The following PEAK1 variants were observed in gnomAD, a reference collection of about 807,000 sequenced individuals.
PEAK1 encodes inactive tyrosine-protein kinase PEAK1.
A neutral mutation model predicts 124.7 loss-of-function variants in PEAK1; 54 were observed. That is an observed-to-expected ratio of 0.43 (90% CI 0.35 to 0.54). The LOEUF (loss-of-function observed/expected upper bound fraction) is 0.54. Among genes scored for constraint, PEAK1 ranks in the 20% least tolerant of loss-of-function variants. The pLI is 0.01. For synonymous variants in PEAK1, 719 were observed against 760.0 expected (o/e 0.95, Z 0.89); for missense variants, 2,046 against 2,134.5 (o/e 0.96, Z 0.82).
At chr15:77,173,682 T>C (rs11853633) in intron 7 of PEAK1, among the ~76,000 whole-genome samples, 34,096 of 152,158 alleles carry the variant, frequency 0.22, 4,262 homozygotes, top group Middle Eastern at 0.31. Flanking sequence ...TTGAATGTTT[T>C]ACACCCACTG....
At chr15:77,253,308 T>C (rs562098922) in intron 5 of PEAK1, among the ~76,000 whole-genome samples, 80 of 151,710 alleles carry the variant, frequency 5.3e-4, no homozygotes, top group African/African-American at 1.8e-3. Context: ...GTAATTCCAT[T>C]TATTATAATA....
intron 2 of PEAK1, among the ~76,000 whole-genome samples, chr15:77,324,651 A>C (rs558578258): frequency 2.0e-4 from 30 of 152,310 alleles, no homozygotes; most frequent in African/African-American, 7.2e-4. Context: ...GGCTTCAGGA[A>C]GCTTACAATC....
chr15:77,351,570 G>T, intron 2 of PEAK1: 1 of 342,954 alleles, frequency 2.9e-6, no homozygotes, highest in Non-Finnish European at 4.1e-6. Context: ...GAAAAACTCC[G>T]TTAACAGGGC....
intron 2 of PEAK1, among the ~76,000 whole-genome samples, chr15:77,353,597 G>A (rs1161293737): frequency 6.6e-6 from 1 of 152,144 alleles, no homozygotes; most frequent in Non-Finnish European, 1.5e-5. Context: ...AACAGAAAAT[G>A]TTGGTAATGA....
intron 2 of PEAK1, among the ~76,000 whole-genome samples, chr15:77,361,566 C>CA (rs1457506880): frequency 1.4e-4 from 22 of 152,182 alleles, no homozygotes; most frequent in African/African-American, 4.8e-4. Flanking sequence ...TATCAAAAGA[C>CA]AAAAAATAAC....
intron 2 of PEAK1, among the ~76,000 whole-genome samples, chr15:77,298,411 G>A (rs1262970142): frequency 6.6e-6 from 1 of 150,852 alleles, no homozygotes; most frequent in Non-Finnish European, 1.5e-5. Flanking sequence ...GTAGAGACGG[G>A]GTTTCACTGT....
intron 1 of PEAK1, chr15:77,404,406 G>A (rs899633409): frequency 5.2e-5 from 44 of 853,916 alleles, no homozygotes; most frequent in Non-Finnish European, 5.3e-5. Flanking sequence ...TGCTTTAAGT[G>A]GAAAATATAC....
At chr15:77,268,668 C>T (rs181650727) in intron 5 of PEAK1, among the ~76,000 whole-genome samples, 2 of 151,384 alleles carry the variant, frequency 1.3e-5, no homozygotes, top group East Asian at 1.9e-4. Flanking sequence ...CAAAGAACTC[C>T]TGGGAAATTC....
intron 6 of PEAK1, among the ~76,000 whole-genome samples, chr15:77,236,820 T>G (rs958147512): frequency 2.6e-5 from 4 of 152,154 alleles, no homozygotes; most frequent in Admixed American, 1.3e-4. Context: ...GTTTCCCCCA[T>G]GCTGTTCTAG....
At chr15:77,210,721 A>G (rs981291693) in intron 6 of PEAK1, among the ~76,000 whole-genome samples, 1 of 152,100 alleles carries the variant, frequency 6.6e-6, no homozygotes, top group South Asian at 2.1e-4. Context: ...CTCTAGTAAA[A>G]ATACAAAAAT....
At chr15:77,182,306 T>C (rs2057315795) in intron 6 of PEAK1, among the ~76,000 whole-genome samples, 2 of 152,136 alleles carry the variant, frequency 1.3e-5, no homozygotes, top group Admixed American at 6.5e-5. Context: ...TTCTGTGACC[T>C]TCCCTCCCAG....
intron 6 of PEAK1, among the ~76,000 whole-genome samples, chr15:77,243,739 G>A (rs1191022407): frequency 6.6e-6 from 1 of 152,190 alleles, no homozygotes; most frequent in Admixed American, 6.5e-5. Context: ...GGAGGCTGAG[G>A]TGGGCAGATC....
exon 7 of PEAK1, chr15:77,102,842 G>A (rs1031592920): frequency 2.0e-5 from 3 of 151,154 alleles, no homozygotes; most frequent in Admixed American, 6.6e-5. Flanking sequence ...TCATGTATTC[G>A]TTCCTCCAAC....
In PEAK1 at chr15:77,112,375, T is replaced by A. The variant is rs753944663; in HGVS notation, c.*1781A>T. 7 of 152,246 alleles carry A rather than the reference T, an allele frequency of 4.6e-5. No homozygotes were observed. The highest frequency in any genetic ancestry group is 7.3e-5 in the Non-Finnish European group (5 of 68,052). 9.4% of individuals were successfully genotyped at this position (152,246 alleles called of 1,614,324 possible). A position where few individuals can be genotyped will look rare whatever the true frequency, so the allele number is the denominator to read the frequency against. ...TTTCCAAGGCCACTAATGTGCTATGTAAGTAATACTGCACAGTCAGTCTTG... is the reference window on the plus strand; with the variant it reads ...TTTCCAAGGCCACTAATGTGCTATGAAAGTAATACTGCACAGTCAGTCTTG... On this transcript the variant is annotated 3_prime_UTR_variant, in exon 10 of 10. Transcript: ENST00000682557.
chr15:77,314,858 T>C (rs899461184), intron 2 of PEAK1, among the ~76,000 whole-genome samples: 4 of 152,014 alleles, frequency 2.6e-5, no homozygotes, highest in African/African-American at 7.3e-5. Flanking sequence ...AACTTGAAAA[T>C]AGTAATACCT....
chr15:77,142,404 T>A (rs901755831), intron 8 of PEAK1, among the ~76,000 whole-genome samples: 2 of 152,220 alleles, frequency 1.3e-5, no homozygotes, highest in African/African-American at 4.8e-5. Flanking sequence ...ATTTTGGTAG[T>A]TCCTCAAAAA....
chr15:77,244,819 AC>A (rs932017260), intron 6 of PEAK1, among the ~76,000 whole-genome samples: 3 of 151,892 alleles, frequency 2.0e-5, no homozygotes, highest in Admixed American at 6.6e-5. Context: ...AAAACTCCTG[AC>A]CTCAAGTGAT....
chr15:77,142,089 T>C (rs1349375664), intron 8 of PEAK1, among the ~76,000 whole-genome samples: 2 of 152,172 alleles, frequency 1.3e-5, no homozygotes, highest in East Asian at 3.8e-4. Context: ...AAATTACATA[T>C]CTGATAAGAG....
chr15:77,287,202 C>T (rs2062975221), intron 2 of PEAK1, among the ~76,000 whole-genome samples: 1 of 152,148 alleles, frequency 6.6e-6, no homozygotes, highest in Admixed American at 6.5e-5. Context: ...ATAAGACTGA[C>T]CATGCAAAAT....
Sources: gnomAD v4.1 joint callset for allele counts (sites outside exome capture counted in the v4.1 genomes callset) on GRCh38, gnomAD v4.1.1 for gene constraint, MANE v1.5 for transcripts, NCBI Gene and HGNC (gene_info 2026-07-23, HGNC 2026-07-21) for gene names.